ZNF423: variants seen among roughly 807,000 people sequenced by gnomAD.
ZNF423 encodes zinc finger protein 423.
Under a neutral mutation model 95.8 loss-of-function variants are expected in ZNF423, and 12 were observed. The ratio of observed to expected loss-of-function variants is 0.13; its 90% CI spans 0.08 to 0.20. The LOEUF (loss-of-function observed/expected upper bound fraction) is 0.20. Ranked by LOEUF, ZNF423 falls within the 10% of genes least tolerant of loss-of-function variation. ZNF423 has a pLI of 1.00. For synonymous variants in ZNF423, 749 were observed against 711.9 expected (o/e 1.05, Z -0.83); for missense variants, 1,316 against 1,737.1 (o/e 0.76, Z 4.31).
At chr16:49,630,632 G>A (rs1972464831) in intron 4 of ZNF423, among the ~76,000 whole-genome samples, 1 of 152,110 alleles carries the variant, frequency 6.6e-6, no homozygotes, top group Non-Finnish European at 1.5e-5. Flanking sequence ...TCTAGAGGCT[G>A]CAGCCATGGC....
chr16:49,527,978 A>AT (rs1416631724), intron 5 of ZNF423, among the ~76,000 whole-genome samples: 1 of 152,112 alleles, frequency 6.6e-6, no homozygotes, highest in Non-Finnish European at 1.5e-5. Flanking sequence ...ATGACCCTTG[A>AT]TTCATGTAAC....
chr16:49,602,422 G>A (rs1030667667), intron 5 of ZNF423, among the ~76,000 whole-genome samples: 1 of 152,214 alleles, frequency 6.6e-6, no homozygotes, highest in African/African-American at 2.4e-5. Context: ...GAGGGTGGGG[G>A]TGAAGGTCAG....
chr16:49,636,284 G>C lies in ZNF423; in HGVS notation c.2892C>G (p.Ala964=), dbSNP rs1360645296. Residue 964 remains alanine (A), a synonymous_variant, in exon 4 of 8, where the codon GCC becomes GCG. Coordinates refer to ENST00000563137, the MANE Select transcript of ZNF423 (RefSeq NM_001379286.1). The surrounding 1 kb of genome is among the most constrained non-coding windows in gnomAD (Gnocchi z 8.6). ...REHLQTHRGP[A]KHYMCPICGE... is the part of the protein sequence containing the mutation. Reference sequence around the variant, plus strand: ...CACAGATGGGACACATGTAGTGCTTGGCAGGGCCCCGGTGCGTCTGCAGGT... The same window carrying C: ...CACAGATGGGACACATGTAGTGCTTCGCAGGGCCCCGGTGCGTCTGCAGGT... 2 of 1,612,804 alleles carry C rather than the reference G, an allele frequency of 1.2e-6. No individual in the cohort carries two copies. Among genetic ancestry groups the C allele is most frequent in the Non-Finnish European group, 1.7e-6 (2 of 1,180,036 alleles).
At chr16:49,701,770 A>G (rs2032191559) in intron 3 of ZNF423, among the ~76,000 whole-genome samples, 1 of 152,214 alleles carries the variant, frequency 6.6e-6, no homozygotes, top group Non-Finnish European at 1.5e-5. Context: ...ATTTTACTGT[A>G]GCGTTCTAGA....
Position 49,800,575 on chromosome 16 carries a change from GACACACACAC to G in ZNF423, c.41-11039_41-11030del, listed in dbSNP as rs71138006. On this transcript the variant is annotated intron_variant, in intron 1 of 7. Coordinates refer to ENST00000563137, the MANE Select transcript of ZNF423 (RefSeq NM_001379286.1). ...AACTTCCCTGCAAGCACCTGGACAT[GACACACACAC>G]ACACACACACACACTCCTGCGCACA... Among the ~76,000 whole-genome samples, 5 of 150,050 alleles carry G rather than the reference GACACACACAC, an allele frequency of 3.3e-5. No individual in the cohort carries two copies. The Admixed American group carries it at 3.3e-4, about 10-fold the overall frequency.
chr16:49,757,687 G>T (rs1198648592), intron 2 of ZNF423, among the ~76,000 whole-genome samples: 1 of 152,156 alleles, frequency 6.6e-6, no homozygotes, highest in Non-Finnish European at 1.5e-5. Flanking sequence ...CGGCTCAGCA[G>T]GAAATACACC....
intron 5 of ZNF423, among the ~76,000 whole-genome samples, chr16:49,572,165 G>A (rs1443932881): frequency 6.6e-6 from 1 of 152,176 alleles, no homozygotes; most frequent in Non-Finnish European, 1.5e-5. Flanking sequence ...GACCTGGAGT[G>A]GAGACAACAC....
chr16:49,494,990 G>GT (rs1371672330), intron 7 of ZNF423, among the ~76,000 whole-genome samples: 1 of 152,128 alleles, frequency 6.6e-6, no homozygotes, highest in Non-Finnish European at 1.5e-5. Flanking sequence ...GAAGAAAATC[G>GT]TTTTTTAAAG....
intron 1 of ZNF423, among the ~76,000 whole-genome samples, chr16:49,834,086 C>T (rs757034177): frequency 4.6e-5 from 7 of 152,160 alleles, no homozygotes; most frequent in Non-Finnish European, 5.9e-5. Flanking sequence ...GTGGGCTGGG[C>T]GGTTGTCCCT....
chr16:49,673,702 T>G (rs1307119479), intron 3 of ZNF423, among the ~76,000 whole-genome samples: 8 of 152,260 alleles, frequency 5.3e-5, no homozygotes, highest in Non-Finnish European at 7.3e-5. Context: ...CACTTGCACA[T>G]GCACACAAAC....
chr16:49,740,911 CAAT>C (rs2033401145), intron 2 of ZNF423, among the ~76,000 whole-genome samples: 1 of 152,214 alleles, frequency 6.6e-6, no homozygotes, highest in Non-Finnish European at 1.5e-5. Flanking sequence ...CCAGAACTTC[CAAT>C]TCCTTTGTAT....
rs182633298 is a variant in ZNF423, at chr16:49,791,169, G to C, written c.41-1623C>G. ...GCTCTCTTTTCCAAGCCCGCATCCT[G>C]AGAGTGGACAGGCAGGATCAAGACA... is the stretch of plus-strand genomic sequence containing the variant. On this transcript the variant is annotated intron_variant, in intron 1 of 7. Coordinates refer to ENST00000563137, the MANE Select transcript of ZNF423 (RefSeq NM_001379286.1). 3.8e-4 allele frequency among the ~76,000 whole-genome samples: 58 copies of C among 152,350 alleles called. No homozygotes were observed. The East Asian group carries it at 0.011, about 29-fold the overall frequency.
chr16:49,658,616 G>C (rs765053263), intron 3 of ZNF423, among the ~76,000 whole-genome samples: 1 of 152,256 alleles, frequency 6.6e-6, no homozygotes, highest in Non-Finnish European at 1.5e-5. Flanking sequence ...GCCTGGGGAA[G>C]GCTCTGGGAT....
At position 49,698,377 on chromosome 16, in the gene ZNF423, T is replaced by C. The variant is rs112593132; in HGVS notation, c.301+32394A>G. Among the ~76,000 whole-genome samples, 563 of 152,204 alleles carry C rather than the reference T, an allele frequency of 3.7e-3. 5 individuals carry two copies. Among genetic ancestry groups the C allele is most frequent in the African/African-American group, 0.013 (544 of 41,536 alleles). ...ACTGGGGAGGGGTGGGGGAATTAATTGCCAAGAAAACACAAGGCTGTGCTG... is the reference window on the plus strand; with the variant it reads ...ACTGGGGAGGGGTGGGGGAATTAATCGCCAAGAAAACACAAGGCTGTGCTG... On this transcript the variant is annotated intron_variant, in intron 3 of 7. Transcript: ENST00000563137.
intron 3 of ZNF423, among the ~76,000 whole-genome samples, chr16:49,702,656 C>G (rs1041686668): frequency 2.0e-5 from 3 of 152,222 alleles, no homozygotes; most frequent in Non-Finnish European, 4.4e-5. Flanking sequence ...CAGCATTAAG[C>G]TCAAGAAAGT....
chr16:49,827,938 A>C (rs534362099), intron 1 of ZNF423, among the ~76,000 whole-genome samples: 1 of 152,272 alleles, frequency 6.6e-6, no homozygotes, highest in South Asian at 2.1e-4. Flanking sequence ...ACATTTATTA[A>C]AGCAGCCCCA....
intron 5 of ZNF423, among the ~76,000 whole-genome samples, chr16:49,527,093 G>C (rs1968638524): frequency 6.6e-6 from 1 of 152,176 alleles, no homozygotes; most frequent in South Asian, 2.1e-4. Flanking sequence ...GGCCCTGGCA[G>C]GGGCTGGCAG....
intron 2 of ZNF423, among the ~76,000 whole-genome samples, chr16:49,756,744 G>C (rs747560467): frequency 6.6e-6 from 1 of 152,186 alleles, no homozygotes; most frequent in African/African-American, 2.4e-5. Context: ...GGGCAAAAAG[G>C]CACGGGTCAT....
At chr16:49,746,173 C>T (rs1394639795) in intron 2 of ZNF423, among the ~76,000 whole-genome samples, 1 of 152,086 alleles carries the variant, frequency 6.6e-6, no homozygotes, top group Admixed American at 6.5e-5. Context: ...GCAATGTTGG[C>T]CCCTGCTGTT....
Sources: allele counts gnomAD v4.1 joint callset (sites outside exome capture counted in the v4.1 genomes callset), GRCh38; gene constraint gnomAD v4.1.1; non-coding constraint Gnocchi (gnomAD v3.1); transcripts MANE v1.5; gene names NCBI Gene and HGNC (gene_info 2026-07-23, HGNC 2026-07-21).